The following DCC variants were observed in gnomAD, a reference collection of about 807,000 sequenced individuals.
DCC encodes the protein DCC netrin 1 receptor.
In DCC, 58 loss-of-function variants were observed where a neutral mutation model predicts 172.5. The observed-to-expected ratio is 0.34, with a 90% CI of 0.27 to 0.42. DCC has a LOEUF of 0.42. Ranked by LOEUF, DCC falls within the 10% of genes least tolerant of loss-of-function variation. The pLI, the probability that DCC is intolerant of heterozygous loss-of-function variation, is 1.00. For missense variants in DCC, 1,740 were observed against 1,791.0 expected, an observed-to-expected ratio of 0.97 and a Z score of 0.51; for synonymous variants, 709 against 644.5, an observed-to-expected ratio of 1.10 and a Z score of -1.52.
At position 52,610,042 on chromosome 18, in the gene DCC, G is replaced by C. The variant is rs1215303214; in HGVS notation, c.92-142012G>C. 2.0e-5 allele frequency among the ~76,000 whole-genome samples: 3 copies of C among 148,324 alleles called. No homozygotes were observed. The East Asian group carries it at 6.0e-4, about 29-fold the overall frequency. The stretch of plus-strand genomic sequence containing the variant: ...TAAAATACCATCTAAGACTGGGCGC[G>C]GTGGCTTACACCTGTAATCCCAACA... On this transcript the variant is annotated intron_variant, in intron 1 of 28. Coordinates refer to ENST00000442544, the MANE Select transcript of DCC (RefSeq NM_005215.4).
At chr18:52,720,361 A>G (rs1051842968) in intron 1 of DCC, among the ~76,000 whole-genome samples, 3 of 152,172 alleles carry the variant, frequency 2.0e-5, no homozygotes, top group African/African-American at 4.8e-5. Flanking sequence ...TTTTGAAATT[A>G]TTTTCTGGTT....
intron 5 of DCC, among the ~76,000 whole-genome samples, chr18:53,028,735 T>G (rs904350664): frequency 6.6e-6 from 1 of 152,172 alleles, no homozygotes; most frequent in Non-Finnish European, 1.5e-5. Flanking sequence ...CACTGGACTT[T>G]TTATGACATG....
intron 5 of DCC, among the ~76,000 whole-genome samples, chr18:52,985,276 A>G (rs2041274628): frequency 6.6e-6 from 1 of 152,006 alleles, no homozygotes; most frequent in African/African-American, 2.4e-5. Flanking sequence ...TCAGAAAGGT[A>G]TTTGAAAAAA....
intron 5 of DCC, among the ~76,000 whole-genome samples, chr18:53,017,391 T>A (rs545123891): frequency 6.6e-6 from 1 of 152,318 alleles, no homozygotes; most frequent in South Asian, 2.1e-4. Context: ...GCAAGAAATG[T>A]CTTTCTTTTC....
At chr18:53,497,335 G>A (rs1380306522) in intron 26 of DCC, among the ~76,000 whole-genome samples, 1 of 152,236 alleles carries the variant, frequency 6.6e-6, no homozygotes, top group East Asian at 1.9e-4. Context: ...GAAAGAGCCT[G>A]CCTTTTCCTC....
intron 1 of DCC, among the ~76,000 whole-genome samples, chr18:52,352,475 A>G (rs2144247710): frequency 6.6e-6 from 1 of 152,306 alleles, no homozygotes; most frequent in African/African-American, 2.4e-5. Context: ...ATAGTGCAAT[A>G]CTGATCAAAC....
intron 5 of DCC, among the ~76,000 whole-genome samples, chr18:53,042,674 A>G (rs2042185228): frequency 6.6e-6 from 1 of 152,086 alleles, no homozygotes; most frequent in Non-Finnish European, 1.5e-5. Context: ...TTTTCAAAAG[A>G]AGACATTTAT....
intron 1 of DCC, among the ~76,000 whole-genome samples, chr18:52,672,374 A>T (rs2035569582): frequency 6.6e-6 from 1 of 152,154 alleles, no homozygotes; most frequent in Non-Finnish European, 1.5e-5. Flanking sequence ...AACTATCTGA[A>T]TCTTTCCACT....
At chr18:53,247,995 C>T (rs1374642584) in intron 12 of DCC, among the ~76,000 whole-genome samples, 1 of 151,960 alleles carries the variant, frequency 6.6e-6, no homozygotes, top group African/African-American at 2.4e-5. Context: ...AACCCATTAA[C>T]TGCTCCATGT....
intron 2 of DCC, among the ~76,000 whole-genome samples, chr18:52,848,260 T>C (rs2038926181): frequency 6.6e-6 from 1 of 151,952 alleles, no homozygotes; most frequent in African/African-American, 2.4e-5. Flanking sequence ...ATTTTATATA[T>C]ATATTTGGTA....
intron 1 of DCC, among the ~76,000 whole-genome samples, chr18:52,481,711 C>T (rs1200904261): frequency 6.6e-6 from 1 of 152,084 alleles, no homozygotes; most frequent in African/African-American, 2.4e-5. Flanking sequence ...ACAGTGACGA[C>T]TTAGGGTCCA....
intron 27 of DCC, among the ~76,000 whole-genome samples, chr18:53,522,528 G>T (rs2046410384): frequency 1.3e-5 from 2 of 152,094 alleles, no homozygotes; most frequent in African/African-American, 4.8e-5. Context: ...ATACTACAAG[G>T]CTACAGGAAC....
intron 1 of DCC, among the ~76,000 whole-genome samples, chr18:52,656,074 A>ATGTATATG (rs2035245801): frequency 7.2e-6 from 1 of 138,404 alleles, no homozygotes; most frequent in African/African-American, 2.9e-5. Context: ...ATATATGTGT[A>ATGTATATG]TATATATGTG....
intron 1 of DCC, among the ~76,000 whole-genome samples, chr18:52,658,043 C>T (rs1390979128): frequency 6.6e-6 from 1 of 152,174 alleles, no homozygotes; most frequent in Non-Finnish European, 1.5e-5. Flanking sequence ...AGATATTCCT[C>T]CCACTTAGTT....
At chr18:52,842,693 A>G (rs1290222484) in intron 2 of DCC, among the ~76,000 whole-genome samples, 6 of 152,188 alleles carry the variant, frequency 3.9e-5, no homozygotes, top group African/African-American at 7.2e-5. Flanking sequence ...GGGGTCCAGG[A>G]CTTTGTGTTC....
chr18:53,526,117 AT>A (rs1026753463), intron 27 of DCC, among the ~76,000 whole-genome samples: 4 of 134,966 alleles, frequency 3.0e-5, no homozygotes, highest in Non-Finnish European at 4.8e-5. Flanking sequence ...AGAATTAAAA[AT>A]GATAGTCTAT....
chr18:53,433,486 G>A (rs1911751289), intron 21 of DCC, among the ~76,000 whole-genome samples: 1 of 152,128 alleles, frequency 6.6e-6, no homozygotes, highest in South Asian at 2.1e-4. Flanking sequence ...ACTGGCCTAA[G>A]TGATGATGTT....
At chr18:53,512,654 T>C (rs978159189) in intron 27 of DCC, among the ~76,000 whole-genome samples, 2 of 151,852 alleles carry the variant, frequency 1.3e-5, no homozygotes, top group African/African-American at 2.4e-5. Flanking sequence ...TGGAGAACTA[T>C]GTGAAGAATG....
At chr18:53,443,858 C>T (rs189409269) in intron 22 of DCC, among the ~76,000 whole-genome samples, 6 of 152,232 alleles carry the variant, frequency 3.9e-5, no homozygotes, top group East Asian at 3.9e-4. Flanking sequence ...TAAGTGTGAT[C>T]GAAATCCCAG....
Sources: allele counts gnomAD v4.1 joint callset (sites outside exome capture counted in the v4.1 genomes callset), GRCh38; gene constraint gnomAD v4.1.1; transcripts MANE v1.5; gene names NCBI Gene and HGNC (gene_info 2026-07-23, HGNC 2026-07-21).